ZC2HC1A: variants seen among roughly 807,000 people sequenced by gnomAD.
ZC2HC1A encodes the protein zinc finger C2HC-type containing 1A.
A neutral mutation model predicts 40.7 loss-of-function variants in ZC2HC1A; 28 were observed. That is an observed-to-expected ratio of 0.69 (90% CI 0.51 to 0.94). The LOEUF (loss-of-function observed/expected upper bound fraction) is 0.94. Among genes scored for constraint, ZC2HC1A ranks in the 40% least tolerant of loss-of-function variants. The probability of loss-of-function intolerance (pLI) is 0.00; values close to 1 mark genes in which losing one functional copy is unlikely to be tolerated. For synonymous variants in ZC2HC1A, 129 were observed against 129.2 expected, an observed-to-expected ratio of 1.00 and a Z score of 0.01; for missense variants, 389 against 386.3, an observed-to-expected ratio of 1.01 and a Z score of -0.06.
intron 7 of ZC2HC1A, among the ~76,000 whole-genome samples, chr8:78,700,325 T>G (rs1810559305): frequency 6.6e-6 from 1 of 152,136 alleles, no homozygotes; most frequent in Admixed American, 6.5e-5. Context: ...TTTGTTTTTT[T>G]TCTTGTAAGT....
chr8:78,694,442 T>A (rs1372667987), intron 5 of ZC2HC1A, among the ~76,000 whole-genome samples: 8 of 152,192 alleles, frequency 5.3e-5, no homozygotes, highest in African/African-American at 1.7e-4. Flanking sequence ...TAGGTATCTA[T>A]GAGTCTTATC....
Position 78,693,848 on chromosome 8 carries a change from G to C in ZC2HC1A, c.505-3559G>C, listed in dbSNP as rs559798403. Among the ~76,000 whole-genome samples, 93 of 152,256 alleles carry C rather than the reference G, an allele frequency of 6.1e-4. 1 individual carries two copies. Among genetic ancestry groups the C allele is most frequent in the African/African-American group, 2.1e-3 (88 of 41,548 alleles). ...ATGGTATTGCCTAGGTTTTCTTCTA[G>C]GGTTTTTATAGTTTTAGGTCTAACA... On this transcript the variant is annotated intron_variant, in intron 5 of 8. Coordinates refer to ENST00000263849, the MANE Select transcript of ZC2HC1A (RefSeq NM_016010.3).
intron 1 of ZC2HC1A, among the ~76,000 whole-genome samples, chr8:78,673,162 G>A (rs1295840126): frequency 4.6e-5 from 7 of 152,062 alleles, no homozygotes; most frequent in East Asian, 3.9e-4. Flanking sequence ...AAGAACATGC[G>A]GTGTTTGATT....
chr8:78,710,409 T>A (rs978942879), intron 7 of ZC2HC1A, among the ~76,000 whole-genome samples: 1 of 152,160 alleles, frequency 6.6e-6, no homozygotes, highest in Non-Finnish European at 1.5e-5. Context: ...GGCAATCTTT[T>A]TATATATGTA....
At position 78,675,813 on chromosome 8, in the gene ZC2HC1A, G is replaced by A. The variant is rs1477363243; in HGVS notation, c.43G>A (p.Glu15Lys). ...EENGGVVQVG[E>K]LLPCKICGRT... ...GAATGGAGGTGTTGTCCAAGTTGGA[G>A]AATTGTTACCTTGCAAGATTTGTGG... Residue 15 changes from glutamate to lysine, a missense_variant, in exon 2 of 9, where the codon GAA becomes AAA. Coordinates refer to ENST00000263849, the MANE Select transcript of ZC2HC1A (RefSeq NM_016010.3). 1.9e-6 allele frequency: 3 copies of A among 1,609,496 alleles called. No homozygotes were observed. Among genetic ancestry groups the A allele is most frequent in the East Asian group, 4.5e-5 (2 of 44,516 alleles).
intron 1 of ZC2HC1A, among the ~76,000 whole-genome samples, chr8:78,672,634 T>C (rs891756939): frequency 2.0e-5 from 3 of 152,156 alleles, no homozygotes; most frequent in African/African-American, 7.2e-5. Context: ...TAAAAGAACA[T>C]GACAAATTGA....
intron 2 of ZC2HC1A, among the ~76,000 whole-genome samples, chr8:78,676,334 G>A (rs1273708549): frequency 6.6e-6 from 1 of 151,884 alleles, no homozygotes; most frequent in African/African-American, 2.4e-5. Context: ...TCTTATTTAT[G>A]TTTGAGATGT....
At chr8:78,701,776 T>G (rs1411620911) in intron 7 of ZC2HC1A, among the ~76,000 whole-genome samples, 1 of 152,224 alleles carries the variant, frequency 6.6e-6, no homozygotes, top group Non-Finnish European at 1.5e-5. Flanking sequence ...TTAATTTTGT[T>G]GTGATGAATA....
intron 5 of ZC2HC1A, among the ~76,000 whole-genome samples, chr8:78,690,219 C>G (rs905061199): frequency 1.3e-5 from 2 of 152,086 alleles, no homozygotes; most frequent in African/African-American, 4.8e-5. Flanking sequence ...CCTTAATAAG[C>G]CTTAAAATCA....
chr8:78,678,839 T>C (rs1184017819), intron 3 of ZC2HC1A, 160 bp downstream of exon 3: 2 of 436,242 alleles, frequency 4.6e-6, no homozygotes, highest in Non-Finnish European at 7.7e-6. Context: ...GTTTAGAAAT[T>C]ATCTGAAGCT....
At chr8:78,709,493 A>G (rs1810887203) in intron 7 of ZC2HC1A, among the ~76,000 whole-genome samples, 1 of 152,152 alleles carries the variant, frequency 6.6e-6, no homozygotes, top group African/African-American at 2.4e-5. Context: ...TGTGGATAAC[A>G]ATGATTGGAG....
At chr8:78,683,064 G>C (rs1415101852) in intron 3 of ZC2HC1A, among the ~76,000 whole-genome samples, 1 of 152,226 alleles carries the variant, frequency 6.6e-6, no homozygotes, top group Non-Finnish European at 1.5e-5. Flanking sequence ...CTACCCCTTT[G>C]TCTTTGCAGG....
intron 3 of ZC2HC1A, among the ~76,000 whole-genome samples, chr8:78,684,834 A>G (rs1020682052): frequency 5.3e-5 from 8 of 152,318 alleles, no homozygotes; most frequent in Middle Eastern, 3.4e-3. Flanking sequence ...GTAAAAAAAT[A>G]CTACTGAAAG....
At chr8:78,682,865 T>G (rs924032756) in intron 3 of ZC2HC1A, among the ~76,000 whole-genome samples, 15 of 152,174 alleles carry the variant, frequency 9.9e-5, no homozygotes, top group Non-Finnish European at 2.1e-4. Context: ...GATACAGACA[T>G]TGGGTAAATA....
rs1405874949 is a variant in ZC2HC1A, at chr8:78,687,760, ACGTAAGACAT to A, written c.352+1153_352+1162del. On this transcript the variant is annotated intron_variant, in intron 4 of 8. Transcript: ENST00000263849. ...TTTATGTAATACATTATATATATTT[ACGTAAGACAT>A]TATATATATATTTACGTAATACATT... 5.6e-4 allele frequency among the ~76,000 whole-genome samples: 35 copies of A among 62,776 alleles called. 1 individual carries two copies. Among genetic ancestry groups the A allele is most frequent in the Non-Finnish European group, 6.9e-4 (20 of 29,064 alleles). The allele number at this position is 62,776 out of a possible 152,430, so 41.2% of individuals were successfully genotyped here.
At chr8:78,695,489 C>T (rs1258859292) in intron 5 of ZC2HC1A, among the ~76,000 whole-genome samples, 1 of 152,096 alleles carries the variant, frequency 6.6e-6, no homozygotes, top group Non-Finnish European at 1.5e-5. Context: ...TCATTTTGCT[C>T]TTTTTTGATT....
At chr8:78,667,436 A>T (rs1809330392) in intron 1 of ZC2HC1A, among the ~76,000 whole-genome samples, 1 of 152,160 alleles carries the variant, frequency 6.6e-6, no homozygotes, top group Non-Finnish European at 1.5e-5. Flanking sequence ...TGGTGGGATT[A>T]AAGCATGGGT....
intron 4 of ZC2HC1A, among the ~76,000 whole-genome samples, chr8:78,687,732 ATATT>A: frequency 1.5e-5 from 1 of 68,662 alleles, no homozygotes; most frequent in African/African-American, 4.1e-5. Flanking sequence ...TACATTATAT[ATATT>A]TATGTAATAC....
Position 78,717,867 on chromosome 8 carries a change from T to C in ZC2HC1A, c.*374T>C. The C allele has an allele frequency of 6.3e-6, 1 of 158,048 alleles. No homozygotes were observed. The highest frequency in any genetic ancestry group is 1.4e-5 in the Non-Finnish European group (1 of 71,352). The allele number at this position is 158,048 out of a possible 1,614,324, so 9.8% of individuals were successfully genotyped here. ...CTTCAAGCTTTAGGATAAGTATAAC[T>C]TTGAGCAAAAAATTTGGATAAACAT... is the stretch of plus-strand genomic sequence containing the variant. On this transcript the variant is annotated 3_prime_UTR_variant, in exon 9 of 9. Transcript: ENST00000263849.
Sources: allele counts gnomAD v4.1 joint callset (sites outside exome capture counted in the v4.1 genomes callset), GRCh38; gene constraint gnomAD v4.1.1; transcripts MANE v1.5; gene names NCBI Gene and HGNC (gene_info 2026-07-23, HGNC 2026-07-21).